Variants in CLOCK observed in about 807,000 individuals in gnomAD.
CLOCK encodes circadian locomoter output cycles protein kaput.
Under a neutral mutation model 118.4 loss-of-function variants are expected in CLOCK, and 43 were observed. The ratio of observed to expected loss-of-function variants is 0.36; its 90% confidence interval spans 0.28 to 0.47. The LOEUF is 0.47. Ranked by LOEUF, CLOCK falls within the 20% of genes least tolerant of loss-of-function variation. The probability of loss-of-function intolerance (pLI) is 1.00; values close to 1 mark genes in which losing one functional copy is unlikely to be tolerated. For synonymous variants in CLOCK, 326 were observed against 339.2 expected, an observed-to-expected ratio of 0.96 and a Z score of 0.43; for missense variants, 846 against 999.9, an observed-to-expected ratio of 0.85 and a Z score of 2.08.
At chr4:55,514,581 T>C (rs1729370401) in intron 1 of CLOCK, among the ~76,000 whole-genome samples, 1 of 151,068 alleles carries the variant, frequency 6.6e-6, no homozygotes, top group East Asian at 2.0e-4. Context: ...CTATTCCAAG[T>C]TTTACAGTTA....
intron 1 of CLOCK, among the ~76,000 whole-genome samples, chr4:55,521,367 C>T (rs748646202): frequency 1.8e-4 from 27 of 152,154 alleles, no homozygotes; most frequent in Non-Finnish European, 3.1e-4. Flanking sequence ...TACAGGCATG[C>T]GCCATCACGC....
At chr4:55,461,520 C>G (rs576778188) in intron 9 of CLOCK, among the ~76,000 whole-genome samples, 1 of 152,298 alleles carries the variant, frequency 6.6e-6, no homozygotes, top group South Asian at 2.1e-4. Context: ...TCAGAATGGT[C>G]TGATCCATAA....
chr4:55,506,701 A>G (rs1434474345), intron 2 of CLOCK, among the ~76,000 whole-genome samples: 1 of 151,936 alleles, frequency 6.6e-6, no homozygotes, highest in African/African-American at 2.4e-5. Context: ...CTGGGATTAC[A>G]GGCTCCCGCC....
At chr4:55,528,500 T>G (rs1005100710) in intron 1 of CLOCK, among the ~76,000 whole-genome samples, 1 of 152,078 alleles carries the variant, frequency 6.6e-6, no homozygotes, top group Non-Finnish European at 1.5e-5. Flanking sequence ...CGCCCCTCCA[T>G]GCAGAAAGTC....
At chr4:55,453,321 T>A in intron 14 of CLOCK, 192 bp from the exon 15 acceptor site, 4 of 579,282 alleles carry the variant, frequency 6.9e-6, no homozygotes, top group Non-Finnish European at 1.2e-5. Flanking sequence ...TAAAGTTTCA[T>A]ACACTGCTGT....
chr4:55,475,988 T>G lies in CLOCK; in HGVS notation c.323A>C (p.Glu108Ala). 4 of 1,612,248 alleles carry G rather than the reference T, an allele frequency of 2.5e-6. No individual in the cohort carries two copies. The highest frequency in any genetic ancestry group is 3.4e-6 in the Non-Finnish European group (4 of 1,178,500). Residue 108 changes from glutamate to alanine, a missense_variant, in exon 7 of 23, where the codon GAA becomes GCA. By Grantham distance (107) the Glu-to-Ala change is moderately radical. Coordinates refer to ENST00000513440, the MANE Select transcript of CLOCK (RefSeq NM_004898.4). ...CTCTAACATTAATTGTGTAAACTCTTCATTACTAAGGAATGTAGGTTTCCA... is the reference window on the plus strand; with the variant it reads ...CTCTAACATTAATTGTGTAAACTCTGCATTACTAAGGAATGTAGGTTTCCA... Reference protein sequence around the residue: ...QDWKPTFLSNEEFTQLMLEAL... With the variant: ...QDWKPTFLSNAEFTQLMLEAL...
intron 3 of CLOCK, among the ~76,000 whole-genome samples, chr4:55,483,428 CT>C (rs1727067694): frequency 6.6e-6 from 1 of 152,106 alleles, no homozygotes; most frequent in South Asian, 2.1e-4. Context: ...AGTCAAAATT[CT>C]TTTTTAATGC....
At chr4:55,471,420 G>A (rs1205463869) in intron 7 of CLOCK, among the ~76,000 whole-genome samples, 3 of 152,108 alleles carry the variant, frequency 2.0e-5, no homozygotes, top group Non-Finnish European at 2.9e-5. Flanking sequence ...AGAGTAGTGT[G>A]GAAGCAGGGT....
intron 18 of CLOCK, among the ~76,000 whole-genome samples, chr4:55,447,402 GTTATT>G (rs939290758): frequency 6.6e-6 from 1 of 152,088 alleles, no homozygotes; most frequent in Non-Finnish European, 1.5e-5. Flanking sequence ...TCATACAAAT[GTTATT>G]TTATTATAAC....
intron 1 of CLOCK, among the ~76,000 whole-genome samples, chr4:55,543,747 C>A (rs933484447): frequency 2.0e-5 from 3 of 151,194 alleles, no homozygotes. Context: ...CACTGCACTC[C>A]GGCCTGGTGA....
rs1239551406 is a variant in CLOCK, at chr4:55,432,875, AT to A, written c.*2539del. 2.0e-5 allele frequency: 3 copies of A among 152,594 alleles called. No individual in the cohort carries two copies. 9.5% of individuals were successfully genotyped at this position (152,594 alleles called of 1,614,324 possible). On this transcript the variant is annotated 3_prime_UTR_variant, in exon 23 of 23. Coordinates refer to ENST00000513440, the MANE Select transcript of CLOCK (RefSeq NM_004898.4). ...CGACTATTTGTGGAGATGGGAAATA[AT>A]TGAAGGGGCTGGAGTAGGACAATGT...
chr4:55,470,876 G>C, intron 7 of CLOCK, 70 bp from the exon 8 acceptor site: 2 of 1,035,200 alleles, frequency 1.9e-6, no homozygotes, highest in South Asian at 2.7e-5. Flanking sequence ...ATAAAAATTT[G>C]AGATAAATGA....
Position 55,435,322 on chromosome 4 carries a change from G to T in CLOCK, c.*93C>A. 3 of 1,457,604 alleles carry T rather than the reference G, an allele frequency of 2.1e-6. No homozygotes were observed. Among genetic ancestry groups the T allele is most frequent in the Non-Finnish European group, 2.9e-6 (3 of 1,041,542 alleles). 90.3% of individuals were successfully genotyped at this position (1,457,604 alleles called of 1,614,324 possible). On this transcript the variant is annotated 3_prime_UTR_variant, in exon 23 of 23. Coordinates refer to ENST00000513440, the MANE Select transcript of CLOCK (RefSeq NM_004898.4). ...ACTCAATACTGCATCTCATGAAACT[G>T]CTGGAACTTTCCCTCCTTTCCTCAG... is the stretch of plus-strand genomic sequence containing the variant.
intron 8 of CLOCK, among the ~76,000 whole-genome samples, chr4:55,465,149 G>A (rs1004482088): frequency 3.3e-5 from 5 of 152,128 alleles, no homozygotes; most frequent in Admixed American, 1.3e-4. Context: ...AAAACAGATG[G>A]TTGTGTCTGT....
intron 1 of CLOCK, among the ~76,000 whole-genome samples, chr4:55,538,265 C>A (rs1178476243): frequency 6.6e-6 from 1 of 152,126 alleles, no homozygotes; most frequent in Non-Finnish European, 1.5e-5. Context: ...CGGAACAATA[C>A]AACCATATGA....
intron 1 of CLOCK, among the ~76,000 whole-genome samples, chr4:55,525,385 A>G (rs780233206): frequency 6.6e-6 from 1 of 152,230 alleles, no homozygotes; most frequent in Non-Finnish European, 1.5e-5. Context: ...TGAGGCAAGA[A>G]GATCACGTGA....
chr4:55,442,549 T>TTATA lies in CLOCK; in HGVS notation c.1984_1987dup (p.Asn663IlefsTer2). On this transcript the variant is annotated stop_gained and frameshift_variant, in exon 21 of 23. Coordinates refer to ENST00000513440, the MANE Select transcript of CLOCK (RefSeq NM_004898.4). LOFTEE classifies it high-confidence loss of function. ...TGCAGGCTGAGAAATCACCATAGTG[T>TTATA]TATACAGTGGGGCTGTAAGAGTGCT... The TTATA allele has an allele frequency of 6.2e-7, 1 of 1,611,382 alleles. No homozygotes were observed. Among genetic ancestry groups the TTATA allele is most frequent in the Non-Finnish European group, 8.5e-7 (1 of 1,179,560 alleles).
At chr4:55,521,874 GC>G (rs1645968532) in intron 1 of CLOCK, among the ~76,000 whole-genome samples, 4 of 152,150 alleles carry the variant, frequency 2.6e-5, no homozygotes, top group Middle Eastern at 3.2e-3. Context: ...AGAGCAAAAG[GC>G]TAAGAATAGC....
chr4:55,445,582 C>CTTTTTTTTTTTTTTTTTTT lies in CLOCK; in HGVS notation c.1540-816_1540-798dup, dbSNP rs56157186. Among the ~76,000 whole-genome samples the CTTTTTTTTTTTTTTTTTTT allele has an allele frequency of 2.9e-3, 198 of 68,590 alleles. 35 individuals carry two copies. The highest frequency in any genetic ancestry group is 5.4e-3 in the East Asian group (11 of 2,022). 45.0% of individuals were successfully genotyped at this position (68,590 alleles called of 152,430 possible). A position where few individuals can be genotyped will look rare whatever the true frequency, so the allele number is the denominator to read the frequency against. On this transcript the variant is annotated intron_variant, in intron 18 of 22. Coordinates refer to ENST00000513440, the MANE Select transcript of CLOCK (RefSeq NM_004898.4). ...TCTCTGCATCTGCTATTTCTATATT[C>CTTTTTTTTTTTTTTTTTTT]TTTTTTTTTTTTTTTTTTTTTTTTT... is the stretch of plus-strand genomic sequence containing the variant.
Sources: gnomAD v4.1 joint callset for allele counts (sites outside exome capture counted in the v4.1 genomes callset) on GRCh38, gnomAD v4.1.1 for gene constraint, MANE v1.5 for transcripts, NCBI Gene and HGNC (gene_info 2026-07-23, HGNC 2026-07-21) for gene names.